AP5M1: variants seen among roughly 807,000 people sequenced by gnomAD.
The protein encoded by AP5M1 is adaptor related protein complex 5 subunit mu 1, also known as AP-5 complex subunit mu-1.
Under a neutral mutation model 52.3 loss-of-function variants are expected in AP5M1, and 44 were observed. The observed-to-expected ratio is 0.84, with a 90% CI of 0.66 to 1.08. AP5M1 has a LOEUF of 1.08. AP5M1 is among the 50% of genes least tolerant of loss of function. AP5M1 has a pLI of 0.00. For synonymous variants in AP5M1, 213 were observed against 199.0 expected (o/e 1.07, Z -0.59); for missense variants, 526 against 568.4 (o/e 0.93, Z 0.76).
intron 7 of AP5M1, among the ~76,000 whole-genome samples, chr14:57,287,796 C>T (rs919524685): frequency 4.0e-5 from 6 of 151,884 alleles, no homozygotes; most frequent in Admixed American, 3.3e-4. Flanking sequence ...AATAATAATA[C>T]CAATTTAAAT....
chr14:57,274,396 C>T lies in AP5M1; in HGVS notation c.227C>T (p.Ser76Leu), dbSNP rs556156925. The change falls in exon 2 of 8, where the codon TCA (serine) becomes TTA (leucine). Residue 76 changes from serine to leucine, a missense_variant. Transcript: ENST00000261558. ...TTCGTTGAGAGTCGTGATAGCTGTT[C>T]ACGCATCAATAAAACATCCATTTAT... ...KDFVESRDSC[S>L]RINKTSIYGL... is the part of the protein sequence containing the mutation. The T allele has an allele frequency of 1.9e-6, 3 of 1,614,136 alleles. No individual in the cohort carries two copies. Among genetic ancestry groups the T allele is most frequent in the Admixed American group, 3.3e-5 (2 of 60,024 alleles).
chr14:57,280,281 C>T lies in AP5M1; in HGVS notation c.807C>T (p.His269=). The T allele has an allele frequency of 6.2e-7, 1 of 1,613,966 alleles. No homozygotes were observed. Among genetic ancestry groups the T allele is most frequent in the Middle Eastern group, 1.6e-4 (1 of 6,062 alleles). Residue 269 remains histidine (H), a synonymous_variant, in exon 3 of 8, where the codon CAC becomes CAT. Transcript: ENST00000261558. ...CTCCACTTCAGGATATTCTAGTTCA[C>T]CCTTGTGTAACTTCTCTTGACTCTG... ...NGSPLQDILV[H]PCVTSLDSAI...
chr14:57,272,391 C>G (rs1159218370), intron 1 of AP5M1, among the ~76,000 whole-genome samples: 1 of 152,086 alleles, frequency 6.6e-6, no homozygotes, highest in Non-Finnish European at 1.5e-5. Flanking sequence ...TACTTATTTC[C>G]TATAACAAAA....
chr14:57,269,478 A>C (rs1566511723), intron 1 of AP5M1, 90 bp downstream of exon 1: 6 of 1,320,650 alleles, frequency 4.5e-6, no homozygotes, highest in Admixed American at 1.7e-5. Context: ...CAGGTTTGCC[A>C]CGAATAGCTG....
intron 1 of AP5M1, among the ~76,000 whole-genome samples, chr14:57,270,599 A>G (rs1020857136): frequency 2.0e-5 from 3 of 152,150 alleles, no homozygotes; most frequent in East Asian, 1.9e-4. Context: ...ACTAACCCCA[A>G]CATTTGTTGT....
intron 2 of AP5M1, chr14:57,275,356 A>G (rs1885001285): frequency 6.5e-6 from 1 of 154,524 alleles, no homozygotes; most frequent in South Asian, 1.7e-4. Flanking sequence ...AAGTGTCCTC[A>G]CACTTGGTGA....
At position 57,298,172 on chromosome 14, in the gene AP5M1, T is replaced by G. The variant is rs986615177; in HGVS notation, c.*9288T>G. The G allele has an allele frequency of 2.6e-5, 4 of 152,168 alleles. No homozygotes were observed. Among genetic ancestry groups the G allele is most frequent in the Non-Finnish European group, 5.9e-5 (4 of 68,028 alleles). 9.4% of individuals were successfully genotyped at this position (152,168 alleles called of 1,614,324 possible). A position where few individuals can be genotyped will look rare whatever the true frequency, so the allele number is the denominator to read the frequency against. On this transcript the variant is annotated 3_prime_UTR_variant, in exon 8 of 8. Coordinates refer to ENST00000261558, the MANE Select transcript of AP5M1 (RefSeq NM_018229.4). ...GCTTTGTGGGCTCCCTACTATTTAC[T>G]AGAGTCAATCCTGATTTTGTTTGGC...
Position 57,288,987 on chromosome 14 carries a change from C to A in AP5M1, c.*103C>A. On this transcript the variant is annotated 3_prime_UTR_variant, in exon 8 of 8. Coordinates refer to ENST00000261558, the MANE Select transcript of AP5M1 (RefSeq NM_018229.4). The stretch of plus-strand genomic sequence containing the variant: ...CATATAACCTGTGAGTGAAAAATCA[C>A]TGAATGATTTAATTGTAAAAGTAGT... 1 of 652,622 alleles carries A rather than the reference C, an allele frequency of 1.5e-6. No homozygotes were observed. The highest frequency in any genetic ancestry group is 2.6e-6 in the Non-Finnish European group (1 of 390,370). 40.4% of individuals were successfully genotyped at this position (652,622 alleles called of 1,614,324 possible).
chr14:57,295,529 C>A lies in AP5M1; in HGVS notation c.*6645C>A, dbSNP rs549132600. On this transcript the variant is annotated 3_prime_UTR_variant, in exon 8 of 8. Transcript: ENST00000261558. ...GAATATTTGTTGCATCTTCAAGCAACCTGCTGCTCTCCAGACTGTTACAGT... is the reference window on the plus strand; with the variant it reads ...GAATATTTGTTGCATCTTCAAGCAAACTGCTGCTCTCCAGACTGTTACAGT... The A allele has an allele frequency of 9.9e-5, 15 of 151,816 alleles. No homozygotes were observed. The highest frequency in any genetic ancestry group is 1.5e-4 in the African/African-American group (6 of 41,368). 9.4% of individuals were successfully genotyped at this position (151,816 alleles called of 1,614,324 possible).
chr14:57,279,579 G>A lies in AP5M1; in HGVS notation c.721-616G>A, dbSNP rs140234603. Among the ~76,000 whole-genome samples the A allele has an allele frequency of 9.8e-3, 1,475 of 151,122 alleles. 26 individuals carry two copies. The highest frequency in any genetic ancestry group is 0.035 in the African/African-American group (1,424 of 41,162). ...TCAGGAAGAATAGCAAATGGATGCT[G>A]GGCTTAATACCTACGTGATGGGATG... On this transcript the variant is annotated intron_variant, in intron 2 of 7. Transcript: ENST00000261558.
rs767341815 is a variant in AP5M1 at position 57,275,000 on chromosome 14, GT to G, written c.720+116del. The G allele has an allele frequency of 3.3e-6, 4 of 1,214,360 alleles. No homozygotes were observed. The Admixed American group carries it at 7.7e-5, about 23-fold the overall frequency. The allele number at this position is 1,214,360 out of a possible 1,614,324, so 75.2% of individuals were successfully genotyped here. A position where few individuals can be genotyped will look rare whatever the true frequency, so the allele number is the denominator to read the frequency against. On this transcript the variant is annotated intron_variant, in intron 2 of 7. Transcript: ENST00000261558. ...TTTTTTATTTTCATCTTAAGCAGCA[GT>G]TTTTAAATGGGAGAGTCATGTAAAA...
In AP5M1 at chr14:57,268,987, T is replaced by G. The variant is rs778311795; in HGVS notation, c.-328T>G. ...ACCGAAAAAAGGCTCGACGCTACCG[T>G]GTATGAGGAACTTTGATCCTTGCGG... On this transcript the variant is annotated 5_prime_UTR_variant, in exon 1 of 8. Transcript: ENST00000261558. The G allele has an allele frequency of 4.6e-5, 26 of 562,836 alleles. No individual in the cohort carries two copies. The highest frequency in any genetic ancestry group is 6.2e-5 in the Non-Finnish European group (20 of 324,542). The allele number at this position is 562,836 out of a possible 1,614,324, so 34.9% of individuals were successfully genotyped here. A position where few individuals can be genotyped will look rare whatever the true frequency, so the allele number is the denominator to read the frequency against.
At position 57,298,075 on chromosome 14, in the gene AP5M1, A is replaced by T. The variant is rs963036122; in HGVS notation, c.*9191A>T. On this transcript the variant is annotated 3_prime_UTR_variant, in exon 8 of 8. Transcript: ENST00000261558. ...ATCATAGGACACGTTCCTTGCAGTT[A>T]TGCTTCAGTGAACTTTAAAACATTT... The T allele has an allele frequency of 2.0e-5, 3 of 152,200 alleles. No homozygotes were observed. The highest frequency in any genetic ancestry group is 7.2e-5 in the African/African-American group (3 of 41,458). 9.4% of individuals were successfully genotyped at this position (152,200 alleles called of 1,614,324 possible).
Position 57,288,849 on chromosome 14 carries a change from C to T in AP5M1, c.1438C>T (p.Pro480Ser). The T allele has an allele frequency of 6.3e-7, 1 of 1,585,182 alleles. No individual in the cohort carries two copies. Among genetic ancestry groups the T allele is most frequent in the Non-Finnish European group, 8.6e-7 (1 of 1,156,684 alleles). ...SDYYIWNSKA[P>S]APVTYGSLLL ...TTATTACATCTGGAATTCTAAAGCC[C>T]CTGCTCCAGTAACATATGGATCATT... Residue 480 changes from proline (P) to serine (S), a missense_variant, in exon 8 of 8, where the codon CCT (proline) becomes TCT (serine). By Grantham distance (74) the Pro-to-Ser change is moderately conservative (BLOSUM62 -1). Around this residue, in one of 3 missense-constraint regions of AP5M1, gnomAD observed 97 missense variants for 121.3 expected, o/e 0.80. Transcript: ENST00000261558.
At chr14:57,281,941 C>A in intron 3 of AP5M1, 148 bp from the exon 4 acceptor site, 1 of 636,920 alleles carries the variant, frequency 1.6e-6, no homozygotes, top group Non-Finnish European at 2.5e-6. Flanking sequence ...AATCCCTATC[C>A]TTAAGATGAA....
Position 57,294,153 on chromosome 14 carries a change from C to G in AP5M1, c.*5269C>G, listed in dbSNP as rs1885500587. The stretch of plus-strand genomic sequence containing the variant: ...TGATTTCTCTAATGCCCTAGCTAAT[C>G]TGCCTAATTGACATCAGTGTCATGT... On this transcript the variant is annotated 3_prime_UTR_variant, in exon 8 of 8. Coordinates refer to ENST00000261558, the MANE Select transcript of AP5M1 (RefSeq NM_018229.4). 1 of 151,818 alleles carries G rather than the reference C, an allele frequency of 6.6e-6. No homozygotes were observed. The highest frequency in any genetic ancestry group is 6.6e-5 in the Admixed American group (1 of 15,198). The allele number at this position is 151,818 out of a possible 1,614,324, so 9.4% of individuals were successfully genotyped here.
At chr14:57,282,896 C>A (rs747374982) in intron 4 of AP5M1, 38 bp from the exon 5 acceptor site, 2 of 1,395,590 alleles carry the variant, frequency 1.4e-6, no homozygotes, top group Non-Finnish European at 2.0e-6. Context: ...ACTGTTATAT[C>A]TATGATCTTT....
Position 57,291,844 on chromosome 14 carries a change from AC to A in AP5M1, c.*2964del, listed in dbSNP as rs1885443964. On this transcript the variant is annotated 3_prime_UTR_variant, in exon 8 of 8. Coordinates refer to ENST00000261558, the MANE Select transcript of AP5M1 (RefSeq NM_018229.4). ...GTAGACATTGATAGACTCCTACACT[AC>A]CCCTGGGAGCTAGGTAGGTGGAATT... The A allele has an allele frequency of 1.3e-5, 2 of 151,478 alleles. No homozygotes were observed. Among genetic ancestry groups the A allele is most frequent in the Non-Finnish European group, 3.0e-5 (2 of 67,704 alleles). 9.4% of individuals were successfully genotyped at this position (151,478 alleles called of 1,614,324 possible).
Position 57,274,417 on chromosome 14 carries a change from T to C in AP5M1, c.248T>C (p.Ile83Thr). ...TGTTCACGCATCAATAAAACATCCA[T>C]TTATGGACTCCTGATAGGAGGTGAA... ...DSCSRINKTSIYGLLIGGEEL... is the reference protein window; with the variant it reads ...DSCSRINKTSTYGLLIGGEEL... Residue 83 changes from isoleucine to threonine, a missense_variant, in exon 2 of 8, where the codon ATT becomes ACT. Around this residue, in one of 3 missense-constraint regions of AP5M1, gnomAD observed 425 missense variants for 430.6 expected, o/e 0.99. Transcript: ENST00000261558. The C allele has an allele frequency of 6.2e-7, 1 of 1,614,148 alleles. No homozygotes were observed. The highest frequency in any genetic ancestry group is 8.5e-7 in the Non-Finnish European group (1 of 1,180,026).
Sources: gnomAD v4.1 joint callset for allele counts (sites outside exome capture counted in the v4.1 genomes callset) on GRCh38, gnomAD v4.1.1 for gene constraint, gnomAD v4.1.1 regional missense constraint, MANE v1.5 for transcripts, NCBI Gene and HGNC (gene_info 2026-07-23, HGNC 2026-07-21) for gene names.